RCBTB1: variants seen among roughly 807,000 people sequenced by gnomAD.
RCBTB1 encodes the protein RCC1 and BTB domain-containing protein 1.
Under a neutral mutation model 62.4 loss-of-function variants are expected in RCBTB1, and 46 were observed. That is an observed-to-expected ratio of 0.74 (90% CI 0.58 to 0.94). The LOEUF (loss-of-function observed/expected upper bound fraction) is 0.94, where lower values mean the gene tolerates loss of function less well. Among genes scored for constraint, RCBTB1 ranks in the 40% least tolerant of loss-of-function variants. RCBTB1 has a pLI of 0.00. For synonymous variants in RCBTB1, 222 were observed against 245.8 expected (o/e 0.90, Z 0.91); for missense variants, 565 against 654.9 (o/e 0.86, Z 1.50).
intron 4 of RCBTB1, 126 bp from the exon 5 acceptor site, chr13:49,560,210 A>G (rs747403385): frequency 4.4e-5 from 44 of 1,000,716 alleles, no homozygotes; most frequent in Non-Finnish European, 6.2e-5. Flanking sequence ...CCTCCTCTCT[A>G]TTAAGTAACC....
chr13:49,569,331 T>A (rs546888441), intron 2 of RCBTB1, among the ~76,000 whole-genome samples: 2 of 152,094 alleles, frequency 1.3e-5, no homozygotes, highest in East Asian at 3.9e-4. Flanking sequence ...CCTAGCACTA[T>A]GGGAGCCCAA....
chr13:49,570,395 A>G (rs1963317146), intron 2 of RCBTB1, among the ~76,000 whole-genome samples: 1 of 152,214 alleles, frequency 6.6e-6, no homozygotes, highest in Admixed American at 6.5e-5. Flanking sequence ...GTCATTTAAG[A>G]GTCAATTCAA....
intron 10 of RCBTB1, among the ~76,000 whole-genome samples, 197 bp downstream of exon 10, chr13:49,544,540 T>C (rs1960648967): frequency 6.6e-6 from 1 of 152,182 alleles, no homozygotes; most frequent in Non-Finnish European, 1.5e-5. Context: ...AATTCCTACA[T>C]TACACTTTTT....
intron 2 of RCBTB1, among the ~76,000 whole-genome samples, chr13:49,572,699 G>A (rs1273639047): frequency 6.6e-6 from 1 of 152,146 alleles, no homozygotes; most frequent in Admixed American, 6.5e-5. Context: ...AGCTACTCAG[G>A]AGGCTGAGGT....
intron 5 of RCBTB1, 40 bp from the exon 6 acceptor site, chr13:49,555,713 G>A: frequency 2.1e-5 from 30 of 1,434,870 alleles, no homozygotes; most frequent in South Asian, 9.8e-5. Context: ...GAATAGTCAG[G>A]GTGAAAATTC....
chr13:49,534,220 T>A lies in RCBTB1; in HGVS notation c.1498A>T (p.Thr500Ser), dbSNP rs944745567. 1.2e-6 allele frequency: 2 copies of A among 1,614,080 alleles called. No homozygotes were observed. Among genetic ancestry groups the A allele is most frequent in the Non-Finnish European group, 1.7e-6 (2 of 1,179,986 alleles). The change falls in exon 13 of 13, where the codon ACA (threonine) becomes TCA (serine). Residue 500 changes from threonine to serine, a missense_variant. Transcript: ENST00000378302. ...FCFKFCINHL[T>S]EVTQTAAFWQ... is the part of the protein sequence containing the mutation. ...AATGCTGCAGTCTGTGTAACTTCTG[T>A]CAAATGATTGATGCAAAACTTAAAG...
intron 9 of RCBTB1, chr13:49,546,062 C>A (rs1960759722): frequency 1.0e-6 from 1 of 984,834 alleles, no homozygotes. Context: ...ACCTTGCAAC[C>A]TGGATCACTG....
chr13:49,535,552 G>A (rs918280607), intron 12 of RCBTB1, among the ~76,000 whole-genome samples: 5 of 137,124 alleles, frequency 3.6e-5, no homozygotes, highest in Non-Finnish European at 6.9e-5. Context: ...CAGCTACCAC[G>A]AGGTGGGAAT....
At chr13:49,549,313 T>A in intron 9 of RCBTB1, 145 bp downstream of exon 9, 1 of 684,278 alleles carries the variant, frequency 1.5e-6, no homozygotes, top group Non-Finnish European at 2.3e-6. Flanking sequence ...TACATTTGAT[T>A]ATGCACATCT....
intron 10 of RCBTB1, among the ~76,000 whole-genome samples, chr13:49,542,213 C>CAA (rs11285149): frequency 0.027 from 3,801 of 139,344 alleles, 103 homozygotes; most frequent in East Asian, 0.11. Flanking sequence ...AACTCCGTCT[C>CAA]AAAAAAAAAA....
At chr13:49,562,859 G>A (rs1455188044) in intron 4 of RCBTB1, among the ~76,000 whole-genome samples, 1 of 139,548 alleles carries the variant, frequency 7.2e-6, no homozygotes, top group African/African-American at 2.6e-5. Context: ...TCCCGGCCTG[G>A]AGCAAACGTC....
In RCBTB1 at chr13:49,534,189, T is replaced by A. The variant is rs1439261819; in HGVS notation, c.1529A>T (p.Gln510Leu). Residue 510 changes from glutamine to leucine, a missense_variant, in exon 13 of 13, where the codon CAA (glutamine) becomes CTA (leucine). Physicochemically the swap from Gln to Leu is moderately radical, Grantham distance 113. Transcript: ENST00000378302. ...TTCCTTTAGCAGAGGGCCATCCATT[T>A]GCCAAAATGCTGCAGTCTGTGTAAC... ...TEVTQTAAFW[Q>L]MDGPLLKEFI... 12 of 1,614,096 alleles carry A rather than the reference T, an allele frequency of 7.4e-6. No individual in the cohort carries two copies. The highest frequency in any genetic ancestry group is 8.5e-6 in the Non-Finnish European group (10 of 1,180,028).
At chr13:49,537,741 G>C (rs1168392319) in intron 12 of RCBTB1, 1 of 152,242 alleles carries the variant, frequency 6.6e-6, no homozygotes, top group Non-Finnish European at 1.5e-5. Context: ...TTTTCTCCCT[G>C]ATGTCAATAT....
At chr13:49,573,249 AC>A (rs1435603672) in intron 2 of RCBTB1, among the ~76,000 whole-genome samples, 1 of 152,176 alleles carries the variant, frequency 6.6e-6, no homozygotes, top group Non-Finnish European at 1.5e-5. Context: ...AAATGTATAC[AC>A]CAAAATATAT....
At chr13:49,559,417 G>A (rs1018581645) in intron 5 of RCBTB1, among the ~76,000 whole-genome samples, 1 of 152,170 alleles carries the variant, frequency 6.6e-6, no homozygotes, top group Non-Finnish European at 1.5e-5. Flanking sequence ...AGCACTTTTG[G>A]AGGCCAAGGC....
At chr13:49,564,362 G>A (rs893155920) in intron 4 of RCBTB1, among the ~76,000 whole-genome samples, 16 of 152,004 alleles carry the variant, frequency 1.1e-4, no homozygotes, top group African/African-American at 1.5e-4. Context: ...CAAGGTGGGC[G>A]GATCACGAGG....
intron 4 of RCBTB1, among the ~76,000 whole-genome samples, chr13:49,566,110 GAC>G (rs1962980633): frequency 1.3e-5 from 2 of 150,328 alleles, no homozygotes; most frequent in South Asian, 4.3e-4. Context: ...AGTACCCAGG[GAC>G]ACAAACACTG....
intron 9 of RCBTB1, chr13:49,546,252 AGAG>A (rs1960778456): frequency 7.1e-6 from 7 of 985,322 alleles, no homozygotes; most frequent in Non-Finnish European, 8.4e-6. Flanking sequence ...ACATCCTTTC[AGAG>A]AAGAAATCCT....
At position 49,534,029 on chromosome 13, in the gene RCBTB1, T is replaced by C. The variant is rs1349530188; in HGVS notation, c.*93A>G. On this transcript the variant is annotated 3_prime_UTR_variant, in exon 13 of 13. Transcript: ENST00000378302. ...GGAAAAAAACAACCTGATGGTCTTT[T>C]ACCTGCAGAATCACATCACCCGTAG... The C allele has an allele frequency of 1.5e-6, 2 of 1,357,688 alleles. No homozygotes were observed. The highest frequency in any genetic ancestry group is 4.7e-5 in the Admixed American group (2 of 42,776). The allele number at this position is 1,357,688 out of a possible 1,614,324, so 84.1% of individuals were successfully genotyped here.
Sources: allele counts gnomAD v4.1 joint callset (sites outside exome capture counted in the v4.1 genomes callset), GRCh38; gene constraint gnomAD v4.1.1; transcripts MANE v1.5; gene names NCBI Gene and HGNC (gene_info 2026-07-23, HGNC 2026-07-21).